CDH8: variants seen among roughly 807,000 people sequenced by gnomAD.
CDH8 encodes the protein cadherin 8, also known as cadherin-8.
Under a neutral mutation model 68.1 loss-of-function variants are expected in CDH8, and 17 were observed. That is an observed-to-expected ratio of 0.25 (90% confidence interval 0.17 to 0.37). CDH8 has a LOEUF of 0.37. CDH8 is among the 10% of genes least tolerant of loss of function. The pLI is 1.00. For missense variants in CDH8, 763 were observed against 999.3 expected, an observed-to-expected ratio of 0.76 and a Z score of 3.19; for synonymous variants, 372 against 365.1, an observed-to-expected ratio of 1.02 and a Z score of -0.21.
At chr16:61,826,675 A>G (rs1962343280) in intron 4 of CDH8, among the ~76,000 whole-genome samples, 1 of 151,354 alleles carries the variant, frequency 6.6e-6, no homozygotes, top group South Asian at 2.1e-4. Context: ...TATTTAAATC[A>G]TCTGTCTGTA....
chr16:61,841,210 T>C (rs182097325), intron 4 of CDH8, among the ~76,000 whole-genome samples: 4 of 152,294 alleles, frequency 2.6e-5, no homozygotes, highest in Admixed American at 2.6e-4. Context: ...TTTCCTTTTT[T>C]TGGGTATATA....
Position 61,724,341 on chromosome 16 carries a change from T to C in CDH8, c.1536+2753A>G, listed in dbSNP as rs529117634. The stretch of plus-strand genomic sequence containing the variant: ...TTTTCTTCTTGTTTTTCATTCTGAC[T>C]GTGTTTAGATGAGTTCAATTCAGTG... On this transcript the variant is annotated intron_variant, in intron 9 of 11. Coordinates refer to ENST00000577390, the MANE Select transcript of CDH8 (RefSeq NM_001796.5). 2.0e-5 allele frequency among the ~76,000 whole-genome samples: 3 copies of C among 150,954 alleles called. No individual in the cohort carries two copies. The East Asian group carries it at 5.8e-4, about 29-fold the overall frequency.
At chr16:62,014,271 T>A (rs1901884940) in intron 2 of CDH8, among the ~76,000 whole-genome samples, 1 of 152,180 alleles carries the variant, frequency 6.6e-6, no homozygotes, top group Admixed American at 6.5e-5. Context: ...TTCTCTTTAT[T>A]TATATTATTT....
At chr16:61,952,571 A>C (rs543493067) in intron 2 of CDH8, among the ~76,000 whole-genome samples, 1 of 152,322 alleles carries the variant, frequency 6.6e-6, no homozygotes, top group South Asian at 2.1e-4. Context: ...GAGGAAATAC[A>C]TCATGAAAAC....
chr16:61,769,056 G>C (rs1029215480), intron 8 of CDH8, among the ~76,000 whole-genome samples: 2 of 151,712 alleles, frequency 1.3e-5, no homozygotes, highest in Non-Finnish European at 2.9e-5. Flanking sequence ...TAGAAGCACA[G>C]ATTCCATTGG....
chr16:61,814,231 A>T (rs1962022976), intron 7 of CDH8, among the ~76,000 whole-genome samples: 1 of 152,184 alleles, frequency 6.6e-6, no homozygotes, highest in Non-Finnish European at 1.5e-5. Flanking sequence ...TATGATTTCA[A>T]CCTTAGTCTC....
At chr16:61,841,409 T>C (rs1187562402) in intron 4 of CDH8, among the ~76,000 whole-genome samples, 5 of 152,086 alleles carry the variant, frequency 3.3e-5, no homozygotes, top group Admixed American at 2.6e-4. Context: ...TTATGTCAAG[T>C]GAAATGAGCC....
intron 8 of CDH8, among the ~76,000 whole-genome samples, chr16:61,769,926 C>T (rs1192729276): frequency 1.3e-5 from 2 of 151,706 alleles, no homozygotes; most frequent in Non-Finnish European, 2.9e-5. Flanking sequence ...TAGGACCTGG[C>T]GAATAATGGT....
chr16:61,825,320 A>G (rs1241142793), intron 4 of CDH8, 141 bp from the exon 5 acceptor site: 14 of 625,088 alleles, frequency 2.2e-5, no homozygotes, highest in Admixed American at 1.8e-4. Flanking sequence ...CTGACATTTG[A>G]TTGGTGTGTG....
At chr16:61,890,862 G>C (rs1198332620) in intron 3 of CDH8, among the ~76,000 whole-genome samples, 1 of 151,954 alleles carries the variant, frequency 6.6e-6, no homozygotes, top group Admixed American at 6.6e-5. Flanking sequence ...TAAGTCCATA[G>C]ACCAATTGTA....
chr16:61,982,402 G>C (rs1005869055), intron 2 of CDH8, among the ~76,000 whole-genome samples: 3 of 151,952 alleles, frequency 2.0e-5, no homozygotes, highest in African/African-American at 7.3e-5. Flanking sequence ...TGTATTTTTA[G>C]TAGAGATGGG....
chr16:61,653,069 C>A lies in CDH8; in HGVS notation c.*539G>T. ...CCAACAATTATGTACAATGTGTGGTCACCGTACTGTATAATCTAGGAGGCC... is the reference window on the plus strand; with the variant it reads ...CCAACAATTATGTACAATGTGTGGTAACCGTACTGTATAATCTAGGAGGCC... On this transcript the variant is annotated 3_prime_UTR_variant, in exon 12 of 12. Transcript: ENST00000577390. 1 of 1,348,710 alleles carries A rather than the reference C, an allele frequency of 7.4e-7. No individual in the cohort carries two copies. Among genetic ancestry groups the A allele is most frequent in the South Asian group, 2.1e-5 (1 of 47,388 alleles). 83.5% of individuals were successfully genotyped at this position (1,348,710 alleles called of 1,614,324 possible).
intron 2 of CDH8, among the ~76,000 whole-genome samples, chr16:61,997,967 A>C (rs1833010187): frequency 6.6e-6 from 1 of 152,248 alleles, no homozygotes; most frequent in South Asian, 2.1e-4. Context: ...AGAAATACAA[A>C]TATCTATAAA....
chr16:61,918,197 C>T (rs1460795780), intron 2 of CDH8: 1 of 152,012 alleles, frequency 6.6e-6, no homozygotes, highest in Non-Finnish European at 1.5e-5. Context: ...GCCCTATGTA[C>T]TTATATTAGT....
At chr16:61,781,408 C>A (rs1961050842) in intron 8 of CDH8, among the ~76,000 whole-genome samples, 1 of 151,814 alleles carries the variant, frequency 6.6e-6, no homozygotes, top group Non-Finnish European at 1.5e-5. Context: ...GCCTGGGCAA[C>A]ATGGTGAGAC....
chr16:62,011,724 T>G (rs972144480), intron 2 of CDH8, among the ~76,000 whole-genome samples: 4 of 152,178 alleles, frequency 2.6e-5, no homozygotes, highest in Admixed American at 1.3e-4. Context: ...TTGAATGAAA[T>G]TCTGTATTTC....
intron 2 of CDH8, chr16:61,934,237 T>C (rs1189507211): frequency 2.0e-5 from 3 of 152,130 alleles, no homozygotes; most frequent in East Asian, 1.9e-4. Flanking sequence ...AGTAGCAATA[T>C]GTTTCAGAAG....
intron 2 of CDH8, among the ~76,000 whole-genome samples, chr16:61,947,712 A>C (rs149121976): frequency 6.6e-6 from 1 of 152,160 alleles, no homozygotes; most frequent in Non-Finnish European, 1.5e-5. Context: ...AAAAAGCTTC[A>C]TTCATTATTC....
chr16:61,725,858 G>A (rs1959345671), intron 9 of CDH8: 1 of 150,556 alleles, frequency 6.6e-6, no homozygotes, highest in Non-Finnish European at 1.5e-5. Flanking sequence ...AAGTTAATCA[G>A]TTTTATTATT....
Sources: allele counts gnomAD v4.1 joint callset (sites outside exome capture counted in the v4.1 genomes callset), GRCh38; gene constraint gnomAD v4.1.1; transcripts MANE v1.5; gene names NCBI Gene and HGNC (gene_info 2026-07-23, HGNC 2026-07-21).